MFSD11: variants seen among roughly 807,000 people sequenced by gnomAD.
MFSD11 encodes the protein UNC93-like protein MFSD11.
A neutral mutation model predicts 53.5 loss-of-function variants in MFSD11; 36 were observed. The observed-to-expected ratio is 0.67, with a 90% confidence interval of 0.52 to 0.89. MFSD11 has a LOEUF of 0.89. Ranked by LOEUF, MFSD11 falls within the 40% of genes least tolerant of loss-of-function variation. The pLI is 0.00. For missense variants in MFSD11, 530 were observed against 543.9 expected (o/e 0.97, Z 0.25); for synonymous variants, 186 against 184.9 (o/e 1.01, Z -0.05).
chr17:76,802,222 G>A, the MFSD11 span, among the ~76,000 whole-genome samples: 2 of 152,096 alleles, frequency 1.3e-5, no homozygotes, highest in African/African-American at 2.4e-5. Context: ...AGTGAGTCCC[G>A]ATTGTGCCAC....
chr17:76,795,299 T>C, the MFSD11 span, among the ~76,000 whole-genome samples: 1 of 125,922 alleles, frequency 7.9e-6, no homozygotes, highest in African/African-American at 3.1e-5. Flanking sequence ...CTGGCCAACA[T>C]GGCGAAAACC....
intron 8 of MFSD11, among the ~76,000 whole-genome samples, chr17:76,758,172 T>A (rs1201746205): frequency 6.6e-6 from 1 of 152,066 alleles, no homozygotes; most frequent in African/African-American, 2.4e-5. Context: ...ACAATAAAAG[T>A]GGGTCTTAAG....
chr17:76,737,146 G>T (rs775513335), upstream of MFSD11: 15 of 1,586,860 alleles, frequency 9.5e-6, no homozygotes, highest in South Asian at 1.7e-4. Context: ...CGGGAGGGGG[G>T]CGGCCGTAGC....
In MFSD11 at chr17:76,778,516, C is replaced by G. The variant is rs1420093173; in HGVS notation, c.*164C>G. ...CAGCCAGAGTTGGTGTTCAAGTTTA[C>G]AGATATGAGTTATTTAAAGCAAGTA... On this transcript the variant is annotated 3_prime_UTR_variant, in exon 13 of 13. Coordinates refer to ENST00000685175, the MANE Select transcript of MFSD11 (RefSeq NM_001242532.5). 1 of 617,156 alleles carries G rather than the reference C, an allele frequency of 1.6e-6. No individual in the cohort carries two copies. Among genetic ancestry groups the G allele is most frequent in the Non-Finnish European group, 2.8e-6 (1 of 363,384 alleles). 38.2% of individuals were successfully genotyped at this position (617,156 alleles called of 1,614,324 possible).
intron 10 of MFSD11, among the ~76,000 whole-genome samples, chr17:76,773,946 G>A (rs541059992): frequency 6.6e-6 from 1 of 150,736 alleles, no homozygotes; most frequent in South Asian, 2.1e-4. Context: ...ATTTTTTTGA[G>A]ACAGAGTCTT....
At chr17:76,746,528 G>A (rs2078555065) in intron 7 of MFSD11, among the ~76,000 whole-genome samples, 2 of 152,156 alleles carry the variant, frequency 1.3e-5, no homozygotes, top group Admixed American at 1.3e-4. Context: ...TTAATGCCGG[G>A]CTTTAAACCT....
chr17:76,742,297 T>C, intron 5 of MFSD11, 24 bp downstream of exon 5: 1 of 1,568,088 alleles, frequency 6.4e-7, no homozygotes, highest in South Asian at 1.1e-5. Context: ...TGAGGTTCAG[T>C]CTTTCCTTTT....
chr17:76,753,027 T>C (rs2079197131), intron 7 of MFSD11: 1 of 44,116 alleles, frequency 2.3e-5, no homozygotes, highest in South Asian at 1.2e-3. Context: ...AAAAAAAATC[T>C]TGTTCCATAA....
At position 76,738,373 on chromosome 17, in the gene MFSD11, G is replaced by C; in HGVS notation, c.21G>C (p.Lys7Asn). 6.2e-7 allele frequency: 1 copy of C among 1,614,074 alleles called. No individual in the cohort carries two copies. The highest frequency in any genetic ancestry group is 8.5e-7 in the Non-Finnish European group (1 of 1,179,964). Residue 7 changes from lysine to asparagine, a missense_variant, in exon 1 of 13, where the codon AAG (lysine) becomes AAC (asparagine). Lys to Asn is a moderately conservative substitution (Grantham distance 94). Coordinates refer to ENST00000685175, the MANE Select transcript of MFSD11 (RefSeq NM_001242532.5). MSPESK[K>N]LFNIIILGVA... ...CCAAAATGTCCCCGGAATCTAAAAA[G>C]CTTTTCAACATCATTATTTTAGGAG...
chr17:76,755,781 TG>T (rs1598609910), intron 8 of MFSD11, among the ~76,000 whole-genome samples: 1 of 69,854 alleles, frequency 1.4e-5, no homozygotes, highest in Non-Finnish European at 3.3e-5. Flanking sequence ...TGTGTGTGTG[TG>T]TGTGTATACA....
At chr17:76,744,229 G>T (rs1598497783) in intron 6 of MFSD11, 93 bp from the exon 7 acceptor site, 1 of 1,196,650 alleles carries the variant, frequency 8.4e-7, no homozygotes, top group African/African-American at 1.6e-5. Context: ...TAACGAGGAA[G>T]TGTGTTGACA....
chr17:76,776,554 G>C lies in MFSD11; in HGVS notation c.1185+13G>C, dbSNP rs1335595679. On this transcript the variant is annotated intron_variant, in intron 12 of 12. Coordinates refer to ENST00000685175, the MANE Select transcript of MFSD11 (RefSeq NM_001242532.5). The surrounding 1 kb of genome is among the most constrained non-coding windows in gnomAD (Gnocchi z 4.2). ...CAAGTTTGTTCAGGTAACCTCTTCA[G>C]ATTGTGATTGTGTTTGACATAGGGC... The C allele has an allele frequency of 1.1e-5, 17 of 1,612,588 alleles. No individual in the cohort carries two copies. The highest frequency in any genetic ancestry group is 1.4e-5 in the Non-Finnish European group (16 of 1,179,644).
chr17:76,743,990 A>C (rs1025431946), intron 6 of MFSD11, among the ~76,000 whole-genome samples: 1 of 152,188 alleles, frequency 6.6e-6, no homozygotes, highest in Non-Finnish European at 1.5e-5. Flanking sequence ...AGGGAAGGTT[A>C]TGCTGTGCAC....
intron 7 of MFSD11, among the ~76,000 whole-genome samples, chr17:76,750,667 A>G (rs1477030608): frequency 6.6e-6 from 1 of 151,690 alleles, no homozygotes; most frequent in African/African-American, 2.4e-5. Context: ...AGCTTTAGAA[A>G]TTTTTTAACT....
upstream of MFSD11, chr17:76,736,656 G>A: frequency 8.4e-7 from 1 of 1,196,420 alleles, no homozygotes; most frequent in Non-Finnish European, 1.1e-6. Context: ...AGCTCGCGGG[G>A]TGGCCGGAGG....
intron 8 of MFSD11, among the ~76,000 whole-genome samples, chr17:76,755,734 A>ATATATGTATATATATGGG (rs2079500202): frequency 3.0e-5 from 4 of 132,700 alleles, no homozygotes; most frequent in Non-Finnish European, 4.9e-5. Context: ...GTATATGTAT[A>ATATATGTATATATATGGG]TATATGTATA....
chr17:76,771,350 T>C (rs2081361377), intron 10 of MFSD11, among the ~76,000 whole-genome samples: 1 of 152,260 alleles, frequency 6.6e-6, no homozygotes, highest in African/African-American at 2.4e-5. Flanking sequence ...CAAATATGTA[T>C]TTTTATTATG....
chr17:76,798,164 A>G, the MFSD11 span, among the ~76,000 whole-genome samples: 7 of 152,124 alleles, frequency 4.6e-5, no homozygotes, highest in Non-Finnish European at 1.0e-4. Flanking sequence ...CTGGGATTAC[A>G]CGTCGGAGCC....
intron 8 of MFSD11, among the ~76,000 whole-genome samples, chr17:76,763,051 T>C (rs2080445860): frequency 6.6e-6 from 1 of 152,130 alleles, no homozygotes; most frequent in African/African-American, 2.4e-5. Flanking sequence ...CCCCCAATGG[T>C]AATACATAAA....
Sources: gnomAD v4.1 joint callset for allele counts (sites outside exome capture counted in the v4.1 genomes callset) on GRCh38, gnomAD v4.1.1 for gene constraint, Gnocchi (gnomAD v3.1) non-coding constraint, MANE v1.5 for transcripts, NCBI Gene and HGNC (gene_info 2026-07-23, HGNC 2026-07-21) for gene names.